The following MBOAT2 variants were observed in gnomAD, a reference collection of about 807,000 sequenced individuals.
MBOAT2 encodes the protein membrane-bound glycerophospholipid O-acyltransferase 2.
MBOAT2 carries 28 observed loss-of-function variants against 63.4 expected under a neutral mutation model. The observed-to-expected ratio is 0.44, with a 90% confidence interval of 0.33 to 0.61. MBOAT2 has a LOEUF of 0.61. Among genes scored for constraint, MBOAT2 ranks in the 20% least tolerant of loss-of-function variants. The pLI is 0.03. For synonymous variants in MBOAT2, 211 were observed against 215.6 expected (o/e 0.98, Z 0.19); for missense variants, 470 against 605.8 (o/e 0.78, Z 2.35).
At position 9,003,591 on chromosome 2, in the gene MBOAT2, GC is replaced by G; in HGVS notation, c.23del (p.Gly8AlafsTer22). MATTSTT[G>X]STLLQPLSNA... Reference sequence around the variant, plus strand: ...TGCTGAGGGGCTGCAGCAGGGTGGAGCCCGTGGTGCTGGTGGTGGCCATGGC... The same window carrying G: ...TGCTGAGGGGCTGCAGCAGGGTGGAGCCGTGGTGCTGGTGGTGGCCATGGC... On this transcript the variant is annotated frameshift_variant, in exon 1 of 13. Transcript: ENST00000305997. LOFTEE classifies it high-confidence loss of function. This position sits in a 1 kb window ranked among gnomAD's most constrained non-coding sequence, Gnocchi z 5.4. 8.2e-7 allele frequency: 1 copy of G among 1,221,282 alleles called. No homozygotes were observed. The highest frequency in any genetic ancestry group is 1.0e-6 in the Non-Finnish European group (1 of 975,372). The allele number at this position is 1,221,282 out of a possible 1,614,324, so 75.7% of individuals were successfully genotyped here.
At chr2:8,921,685 C>T (rs1022812654) in intron 3 of MBOAT2, among the ~76,000 whole-genome samples, 15 of 152,124 alleles carry the variant, frequency 9.9e-5, no homozygotes, top group African/African-American at 3.6e-4. Flanking sequence ...CTTGTAGTTG[C>T]AAATTTTTCC....
chr2:8,915,663 A>C (rs1230344259), intron 3 of MBOAT2, among the ~76,000 whole-genome samples: 1 of 152,232 alleles, frequency 6.6e-6, no homozygotes, highest in African/African-American at 2.4e-5. Context: ...TCAAGTTCAC[A>C]CATCAGCAGA....
chr2:8,923,892 T>C (rs556033164), intron 3 of MBOAT2, among the ~76,000 whole-genome samples: 3 of 152,302 alleles, frequency 2.0e-5, no homozygotes, highest in Admixed American at 6.5e-5. Flanking sequence ...ACCCCTTCAC[T>C]ATTCAATAGC....
At chr2:8,907,668 G>C (rs1665429326) in intron 4 of MBOAT2, among the ~76,000 whole-genome samples, 1 of 152,096 alleles carries the variant, frequency 6.6e-6, no homozygotes, top group African/African-American at 2.4e-5. Context: ...GTTTTTTAGT[G>C]CATTTAAATT....
At chr2:8,925,517 AG>A (rs1288640185) in intron 3 of MBOAT2, among the ~76,000 whole-genome samples, 2 of 152,246 alleles carry the variant, frequency 1.3e-5, no homozygotes, top group Non-Finnish European at 2.9e-5. Flanking sequence ...GAGCTGTCAT[AG>A]CCTCTTAGAA....
rs562971961 is a variant in MBOAT2 at position 8,893,125 on chromosome 2, G to A, written c.396-5052C>T. 4.0e-4 allele frequency among the ~76,000 whole-genome samples: 60 copies of A among 149,832 alleles called. 2 individuals carry two copies. The South Asian group carries it at 0.013, about 32-fold the overall frequency. On this transcript the variant is annotated intron_variant, in intron 4 of 12. Coordinates refer to ENST00000305997, the MANE Select transcript of MBOAT2 (RefSeq NM_138799.4). ...GAGGAGGCAGGGGAGGTGGGCAGGG[G>A]GAGATGGTGGCTCAGACCAGGGTAA...
chr2:8,901,100 T>A (rs1233175073), intron 4 of MBOAT2, among the ~76,000 whole-genome samples: 1 of 152,138 alleles, frequency 6.6e-6, no homozygotes, highest in Admixed American at 6.5e-5. Context: ...CTGATCGGAA[T>A]AGTTGTGCTC....
chr2:8,963,908 C>T (rs763125506), intron 1 of MBOAT2, among the ~76,000 whole-genome samples: 5 of 152,298 alleles, frequency 3.3e-5, no homozygotes, highest in East Asian at 1.9e-4. Context: ...GGCAGTGCAG[C>T]GCACTGTGCT....
At chr2:8,877,299 A>G (rs1004860318) in intron 6 of MBOAT2, 86 bp from the exon 7 acceptor site, 30 of 1,262,964 alleles carry the variant, frequency 2.4e-5, no homozygotes, top group Non-Finnish European at 3.1e-5. Flanking sequence ...ACTGCTCTCC[A>G]TTTCCAAAGT....
At chr2:8,887,901 T>C (rs1663677948) in intron 5 of MBOAT2, 117 bp downstream of exon 5, 1 of 915,826 alleles carries the variant, frequency 1.1e-6, no homozygotes, top group African/African-American at 1.7e-5. Context: ...TATATTTCCC[T>C]ATCTTACCTC....
At chr2:8,864,064 T>A in intron 10 of MBOAT2, 106 bp downstream of exon 10, 1 of 733,326 alleles carries the variant, frequency 1.4e-6, no homozygotes, top group Non-Finnish European at 2.2e-6. Context: ...GAGGTCACAA[T>A]GTCACTCAAC....
rs1660972519 is a variant in MBOAT2 at position 8,854,698 on chromosome 2, ATACT to A, written c.*3977_*3980del. 1 of 152,358 alleles carries A rather than the reference ATACT, an allele frequency of 6.6e-6. No individual in the cohort carries two copies. Among genetic ancestry groups the A allele is most frequent in the Non-Finnish European group, 1.5e-5 (1 of 68,020 alleles). 9.4% of individuals were successfully genotyped at this position (152,358 alleles called of 1,614,324 possible). A position where few individuals can be genotyped will look rare whatever the true frequency, so the allele number is the denominator to read the frequency against. On this transcript the variant is annotated 3_prime_UTR_variant, in exon 13 of 13. Coordinates refer to ENST00000305997, the MANE Select transcript of MBOAT2 (RefSeq NM_138799.4). ...ATTTGTTCATGAATATACAAACTAA[ATACT>A]TACAAGGTATGAACTTTAAATAGGA...
At chr2:8,870,709 C>G (rs1326750623) in intron 8 of MBOAT2, among the ~76,000 whole-genome samples, 1 of 152,180 alleles carries the variant, frequency 6.6e-6, no homozygotes, top group Non-Finnish European at 1.5e-5. Flanking sequence ...ACAGTACAGA[C>G]ATAGTACAAG....
intron 3 of MBOAT2, among the ~76,000 whole-genome samples, chr2:8,938,422 T>C (rs1381843025): frequency 3.9e-5 from 6 of 152,022 alleles, no homozygotes; most frequent in Non-Finnish European, 7.4e-5. Flanking sequence ...CCACCCCCTA[T>C]AGTCAGGCTA....
At chr2:8,992,657 C>T (rs1671997735) in intron 1 of MBOAT2, among the ~76,000 whole-genome samples, 1 of 152,228 alleles carries the variant, frequency 6.6e-6, no homozygotes, top group Non-Finnish European at 1.5e-5. Flanking sequence ...TGACCTTCCA[C>T]TAACACCTAA....
At chr2:8,925,064 A>G (rs1666845265) in intron 3 of MBOAT2, among the ~76,000 whole-genome samples, 1 of 152,222 alleles carries the variant, frequency 6.6e-6, no homozygotes, top group Non-Finnish European at 1.5e-5. Context: ...AAAGATGATC[A>G]TCCACAAAAA....
At chr2:8,881,357 A>T (rs768960938) in intron 6 of MBOAT2, among the ~76,000 whole-genome samples, 6 of 152,208 alleles carry the variant, frequency 3.9e-5, no homozygotes, top group Non-Finnish European at 8.8e-5. Flanking sequence ...AGGAGACTAT[A>T]TCATCTTAGA....
At position 8,858,026 on chromosome 2, in the gene MBOAT2, T is replaced by C. The variant is rs190116187; in HGVS notation, c.*653A>G. On this transcript the variant is annotated 3_prime_UTR_variant, in exon 13 of 13. Transcript: ENST00000305997. ...CTTTGACTGCACAAGGTAATTAAAC[T>C]CTCCAGCAAAATCAGCTACCTATAA... 5.0e-4 allele frequency: 77 copies of C among 152,782 alleles called. 1 individual carries two copies. Among genetic ancestry groups the C allele is most frequent in the African/African-American group, 1.7e-3 (71 of 41,576 alleles). 9.5% of individuals were successfully genotyped at this position (152,782 alleles called of 1,614,324 possible).
chr2:8,969,151 C>CA (rs2103304312), intron 1 of MBOAT2, among the ~76,000 whole-genome samples: 1 of 152,220 alleles, frequency 6.6e-6, no homozygotes, highest in Non-Finnish European at 1.5e-5. Context: ...AAGGGAAGCC[C>CA]ATCAGACTAA....
Sources: allele counts gnomAD v4.1 joint callset (sites outside exome capture counted in the v4.1 genomes callset), GRCh38; gene constraint gnomAD v4.1.1; non-coding constraint Gnocchi (gnomAD v3.1); transcripts MANE v1.5; gene names NCBI Gene and HGNC (gene_info 2026-07-23, HGNC 2026-07-21).